ATP7A: variants seen among roughly 807,000 people sequenced by gnomAD.
ATP7A encodes the protein copper-transporting ATPase 1.
In ATP7A, 7 loss-of-function variants were observed where a neutral mutation model predicts 83.5. The observed-to-expected ratio is 0.08, with a 90% CI of 0.05 to 0.16. The LOEUF (loss-of-function observed/expected upper bound fraction) is 0.16. Among genes scored for constraint, ATP7A ranks in the 10% least tolerant of loss-of-function variants. The pLI is 1.00. For missense variants in ATP7A, 940 were observed against 1,120.8 expected, an observed-to-expected ratio of 0.84 and a Z score of 2.30; for synonymous variants, 354 against 395.2, an observed-to-expected ratio of 0.90 and a Z score of 1.24.
intron 5 of ATP7A, among the ~76,000 whole-genome samples, chrX:78,002,362 A>G (rs1295619122): frequency 9.2e-6 from 1 of 108,695 alleles, no homozygotes; most frequent in Non-Finnish European, 1.9e-5. Context: ...GATTGCAGGC[A>G]TGAGCCGTCA....
chrX:77,954,803 G>A (rs1425417123), intron 1 of ATP7A, among the ~76,000 whole-genome samples: 1 of 111,442 alleles, frequency 9.0e-6, no homozygotes, highest in Non-Finnish European at 1.9e-5. Context: ...AATAAAATAA[G>A]CACGTTTTTA....
intron 1 of ATP7A, chrX:77,965,303 G>A: frequency 3.9e-6 from 1 of 257,374 alleles, no homozygotes; most frequent in Non-Finnish European, 7.5e-6. Flanking sequence ...AGAATATAAA[G>A]AACTCTTACA....
chrX:77,988,855 A>G (rs967398684), intron 3 of ATP7A, 124 bp downstream of exon 3: 32 of 880,961 alleles, frequency 3.6e-5, no homozygotes, highest in Non-Finnish European at 5.3e-5. Flanking sequence ...TGTATCATTG[A>G]GGTACAGCAT....
rs1557231248 is a variant in ATP7A at position 77,985,176 on chromosome X, GCCTGGGTAATTT to G, written c.121-3065_121-3054del. Among the ~76,000 whole-genome samples, 142 of 110,642 alleles carry G rather than the reference GCCTGGGTAATTT, an allele frequency of 1.3e-3. 1 individual carries two copies. The East Asian group carries it at 0.022, about 17-fold the overall frequency. ...TGGGACTACAGGAGTGTGTCACCAT[GCCTGGGTAATTT>G]TTGTATTTTTTGTGGAGACAGGGTT... is the stretch of plus-strand genomic sequence containing the variant. On this transcript the variant is annotated intron_variant, in intron 2 of 22. Transcript: ENST00000341514.
chrX:78,002,987 T>G, intron 5 of ATP7A, 86 bp from the exon 6 acceptor site: 2 of 957,054 alleles, frequency 2.1e-6, no homozygotes, highest in Non-Finnish European at 3.0e-6. Context: ...AATCCTTTCA[T>G]ACTTGATAAT....
chrX:77,987,766 T>C (rs2077646871), intron 2 of ATP7A, among the ~76,000 whole-genome samples: 1 of 111,232 alleles, frequency 9.0e-6, no homozygotes, highest in Non-Finnish European at 1.9e-5. Context: ...TAATTGAACA[T>C]TATTTTTATT....
At chrX:77,950,674 A>G (rs1233339894) in intron 1 of ATP7A, among the ~76,000 whole-genome samples, 2 of 111,083 alleles carry the variant, frequency 1.8e-5, no homozygotes, top group Non-Finnish European at 3.8e-5. Context: ...TATTTTGTCA[A>G]TTGTCTGGCA....
rs782341391 is a variant in ATP7A at position 78,047,507 on chromosome X, TTATACA to T, written c.*944_*949del. The T allele has an allele frequency of 8.9e-6, 1 of 112,314 alleles. No individual in the cohort carries two copies. The highest frequency in any genetic ancestry group is 9.5e-5 in the Admixed American group (1 of 10,564). 9.3% of individuals were successfully genotyped at this position (112,314 alleles called of 1,213,427 possible). A position where few individuals can be genotyped will look rare whatever the true frequency, so the allele number is the denominator to read the frequency against. On this transcript the variant is annotated 3_prime_UTR_variant, in exon 23 of 23. Transcript: ENST00000341514. ...AAAAAATTTTCAAAGATTAAAACTA[TTATACA>T]TATACAGGTCATATAAAATTACCTG... is the stretch of plus-strand genomic sequence containing the variant.
At chrX:78,024,501 C>T in intron 14 of ATP7A, among the ~76,000 whole-genome samples, 1 of 111,807 alleles carries the variant, frequency 8.9e-6, no homozygotes, top group East Asian at 2.8e-4. Flanking sequence ...CCAGCTAGCG[C>T]ACACTTGGAC....
Position 77,913,663 on chromosome X carries a change from C to A in ATP7A, c.-22+2828C>A, listed in dbSNP as rs782329998. ...TATAAAATGTTCTTACTTTTTCCAGCACTGTTTGCAAATTGAAGTGATTTC... is the reference window on the plus strand; with the variant it reads ...TATAAAATGTTCTTACTTTTTCCAGAACTGTTTGCAAATTGAAGTGATTTC... On this transcript the variant is annotated intron_variant, in intron 1 of 22. Transcript: ENST00000341514. Among the ~76,000 whole-genome samples, 7 of 112,234 alleles carry A rather than the reference C, an allele frequency of 6.2e-5. No individual in the cohort carries two copies. In the East Asian group the frequency reaches 1.9e-3, roughly 31 times the overall value.
At chrX:77,969,057 G>C (rs200987725) in intron 1 of ATP7A, 21 of 1,211,857 alleles carry the variant, frequency 1.7e-5, no homozygotes, top group Non-Finnish European at 1.8e-5. Flanking sequence ...CCACATGCTT[G>C]GCAATGCCCT....
chrX:77,988,201 A>G (rs1557231552), intron 2 of ATP7A, 41 bp from the exon 3 acceptor site: 2 of 1,168,094 alleles, frequency 1.7e-6, no homozygotes, highest in South Asian at 3.8e-5. Flanking sequence ...CCTGTGTGAT[A>G]GAATTTAATT....
intron 1 of ATP7A, among the ~76,000 whole-genome samples, chrX:77,925,001 C>A (rs1029821602): frequency 1.1e-4 from 12 of 111,413 alleles, no homozygotes; most frequent in Non-Finnish European, 2.1e-4. Context: ...CAGCCTAAAT[C>A]TTTAAAACAG....
intron 1 of ATP7A, among the ~76,000 whole-genome samples, chrX:77,927,648 T>A (rs1271180626): frequency 9.0e-6 from 1 of 111,359 alleles, no homozygotes; most frequent in Non-Finnish European, 1.9e-5. Flanking sequence ...GCATTTTTTT[T>A]ATTATACTTT....
At chrX:78,023,577 G>A (rs2077922203) in intron 14 of ATP7A, among the ~76,000 whole-genome samples, 1 of 109,547 alleles carries the variant, frequency 9.1e-6, no homozygotes, top group African/African-American at 3.3e-5. Flanking sequence ...TTTTTCATGT[G>A]TTTTTTTTTA....
chrX:77,932,317 C>A (rs1557224560), intron 1 of ATP7A, among the ~76,000 whole-genome samples: 2 of 107,318 alleles, frequency 1.9e-5, no homozygotes, highest in Admixed American at 9.8e-5. Context: ...GGCGGCCGGG[C>A]AGAGACGCTC....
chrX:77,990,050 G>A, intron 4 of ATP7A, 92 bp downstream of exon 4: 1 of 1,126,225 alleles, frequency 8.9e-7, no homozygotes, highest in Non-Finnish European at 1.2e-6. Context: ...ATGATTCATA[G>A]GCACTGTAAT....
chrX:77,940,250 G>A (rs950676605), intron 1 of ATP7A, among the ~76,000 whole-genome samples: 43 of 110,763 alleles, frequency 3.9e-4, no homozygotes, highest in Non-Finnish European at 7.0e-4. Context: ...AAATTTTAAA[G>A]AATTTCTTCA....
At chrX:77,958,710 T>C (rs1362712480) in intron 1 of ATP7A, among the ~76,000 whole-genome samples, 2 of 110,720 alleles carry the variant, frequency 1.8e-5, no homozygotes, top group Non-Finnish European at 3.8e-5. Flanking sequence ...CAATATTAAT[T>C]CTTCCAATCC....
Sources: allele counts gnomAD v4.1 joint callset (sites outside exome capture counted in the v4.1 genomes callset), GRCh38; gene constraint gnomAD v4.1.1; transcripts MANE v1.5; gene names NCBI Gene and HGNC (gene_info 2026-07-23, HGNC 2026-07-21).